Variants in KHDRBS2 observed in about 807,000 individuals in gnomAD.
KHDRBS2 encodes the protein KH RNA binding domain containing, signal transduction associated 2.
KHDRBS2 carries 26 observed loss-of-function variants against 44.3 expected under a neutral mutation model. The observed-to-expected ratio is 0.59, with a 90% CI of 0.43 to 0.81. The LOEUF is 0.81. Ranked by LOEUF, KHDRBS2 falls within the 40% of genes least tolerant of loss-of-function variation. KHDRBS2 has a pLI of 0.00. For synonymous variants in KHDRBS2, 194 were observed against 151.1 expected, an observed-to-expected ratio of 1.28 and a Z score of -2.08; for missense variants, 476 against 433.1, an observed-to-expected ratio of 1.10 and a Z score of -0.88.
intron 6 of KHDRBS2, among the ~76,000 whole-genome samples, chr6:61,871,733 G>A (rs544787901): frequency 1.2e-3 from 180 of 152,252 alleles, no homozygotes; most frequent in Middle Eastern, 3.4e-3. Flanking sequence ...TTTCAACTCA[G>A]AATTTCATAT....
intron 8 of KHDRBS2, among the ~76,000 whole-genome samples, chr6:61,693,176 A>G (rs1767553565): frequency 6.6e-6 from 1 of 152,132 alleles, no homozygotes. Context: ...AAAATAATCA[A>G]TTGATATTTG....
the KHDRBS2 span, among the ~76,000 whole-genome samples, chr6:61,557,811 C>A: frequency 5.3e-5 from 8 of 152,094 alleles, no homozygotes; most frequent in Non-Finnish European, 8.8e-5. Flanking sequence ...CAACTTTGAT[C>A]TCTTTACTTG....
At chr6:61,611,984 G>A in the KHDRBS2 span, among the ~76,000 whole-genome samples, 1 of 152,168 alleles carries the variant, frequency 6.6e-6, no homozygotes, top group South Asian at 2.1e-4. Flanking sequence ...ATAGGAGAGA[G>A]CTAATAGAAT....
At chr6:61,848,552 CATATATATATGTATATATAT>C (rs1794925022) in intron 6 of KHDRBS2, among the ~76,000 whole-genome samples, 1 of 37,250 alleles carries the variant, frequency 2.7e-5, no homozygotes, top group African/African-American at 1.1e-4. Flanking sequence ...TATATATATA[CATATATATATGTATATATAT>C]ATACATATAT....
At chr6:62,187,860 T>TACCTGAG (rs1386975262) in intron 1 of KHDRBS2, among the ~76,000 whole-genome samples, 1 of 152,128 alleles carries the variant, frequency 6.6e-6, no homozygotes, top group East Asian at 1.9e-4. Context: ...TATAAAAGAA[T>TACCTGAG]ACCTGAGGCT....
chr6:61,699,026 T>TTTATTGGC (rs1768250013), intron 7 of KHDRBS2, among the ~76,000 whole-genome samples: 1 of 152,136 alleles, frequency 6.6e-6, no homozygotes, highest in Non-Finnish European at 1.5e-5. Flanking sequence ...TGCTTATTTA[T>TTTATTGGC]TTATTGGCTG....
intron 3 of KHDRBS2, among the ~76,000 whole-genome samples, chr6:62,016,942 TA>T (rs1008637306): frequency 3.3e-5 from 5 of 152,104 alleles, no homozygotes; most frequent in East Asian, 1.9e-4. Flanking sequence ...CAATACACAC[TA>T]AAAAAATATT....
chr6:62,108,107 A>C (rs1275314450), intron 2 of KHDRBS2, among the ~76,000 whole-genome samples: 1 of 152,158 alleles, frequency 6.6e-6, no homozygotes, highest in Non-Finnish European at 1.5e-5. Context: ...ATCTAATTAA[A>C]CTAAAGAGCT....
At chr6:61,705,998 C>A (rs1769475942) in intron 7 of KHDRBS2, among the ~76,000 whole-genome samples, 1 of 151,826 alleles carries the variant, frequency 6.6e-6, no homozygotes, top group Non-Finnish European at 1.5e-5. Context: ...TCATTGTATT[C>A]CCAGGGGGCA....
At chr6:61,841,227 G>A (rs1202594986) in intron 6 of KHDRBS2, among the ~76,000 whole-genome samples, 2 of 152,030 alleles carry the variant, frequency 1.3e-5, no homozygotes, top group African/African-American at 4.8e-5. Flanking sequence ...TTTGAAAACA[G>A]GTAATAAATG....
intron 1 of KHDRBS2, among the ~76,000 whole-genome samples, chr6:62,203,629 G>A (rs1247208928): frequency 6.6e-6 from 1 of 152,010 alleles, no homozygotes; most frequent in Non-Finnish European, 1.5e-5. Context: ...ATCCATATGA[G>A]GTTATCCAAT....
At chr6:61,876,998 G>A (rs541426499) in intron 6 of KHDRBS2, among the ~76,000 whole-genome samples, 1 of 152,130 alleles carries the variant, frequency 6.6e-6, no homozygotes, top group Admixed American at 6.6e-5. Context: ...GCTAAATCCA[G>A]CCTTGCCACC....
intron 2 of KHDRBS2, among the ~76,000 whole-genome samples, chr6:62,095,221 C>A (rs1232393297): frequency 1.3e-5 from 2 of 151,426 alleles, no homozygotes; most frequent in Non-Finnish European, 3.0e-5. Context: ...AAATAAAATA[C>A]CTAGGAAGAA....
chr6:61,889,716 A>C (rs1189575751), intron 6 of KHDRBS2, among the ~76,000 whole-genome samples: 1 of 152,034 alleles, frequency 6.6e-6, no homozygotes, highest in Non-Finnish European at 1.5e-5. Context: ...TCAAAACATA[A>C]ATCTAATCAT....
chr6:61,846,559 G>T (rs1193382515), intron 6 of KHDRBS2, among the ~76,000 whole-genome samples: 1 of 152,056 alleles, frequency 6.6e-6, no homozygotes, highest in Non-Finnish European at 1.5e-5. Context: ...TTTCCATTGA[G>T]AAAGAAGAGT....
At chr6:62,093,377 A>G (rs1584649489) in intron 2 of KHDRBS2, among the ~76,000 whole-genome samples, 2 of 151,986 alleles carry the variant, frequency 1.3e-5, no homozygotes, top group African/African-American at 2.4e-5. Context: ...ATAATTATAC[A>G]TATTTGTGGA....
intron 2 of KHDRBS2, among the ~76,000 whole-genome samples, chr6:62,159,506 T>C (rs960798000): frequency 3.9e-5 from 6 of 152,262 alleles, no homozygotes; most frequent in African/African-American, 1.4e-4. Flanking sequence ...GAATCCATTA[T>C]ACAGTAACTG....
At chr6:61,868,837 C>T (rs1030835259) in intron 6 of KHDRBS2, among the ~76,000 whole-genome samples, 4 of 152,174 alleles carry the variant, frequency 2.6e-5, no homozygotes, top group Non-Finnish European at 5.9e-5. Flanking sequence ...TCCGGGCTTG[C>T]CTGAGTTGCA....
chr6:61,574,627 G>A, the KHDRBS2 span, among the ~76,000 whole-genome samples: 1 of 152,062 alleles, frequency 6.6e-6, no homozygotes, highest in South Asian at 2.1e-4. Flanking sequence ...AGTTACCCTA[G>A]GGGCGTGGTA....
Sources: gnomAD v4.1 joint callset for allele counts (sites outside exome capture counted in the v4.1 genomes callset) on GRCh38, gnomAD v4.1.1 for gene constraint, MANE v1.5 for transcripts, NCBI Gene and HGNC (gene_info 2026-07-23, HGNC 2026-07-21) for gene names.